Variants in RBL2 observed in about 807,000 individuals in gnomAD.
RBL2 encodes the protein RB transcriptional corepressor like 2, also known as retinoblastoma-like protein 2.
In RBL2, 56 loss-of-function variants were observed where a neutral mutation model predicts 126.0. The ratio of observed to expected loss-of-function variants is 0.44; its 90% CI spans 0.36 to 0.56. The LOEUF (loss-of-function observed/expected upper bound fraction) is 0.56. RBL2 is among the 20% of genes least tolerant of loss of function. The pLI is 0.00. For missense variants in RBL2, 1,229 were observed against 1,398.2 expected, an observed-to-expected ratio of 0.88 and a Z score of 1.93; for synonymous variants, 454 against 478.5, an observed-to-expected ratio of 0.95 and a Z score of 0.67.
chr16:53,474,944 T>A (rs924424499), intron 17 of RBL2, among the ~76,000 whole-genome samples: 5 of 152,366 alleles, frequency 3.3e-5, no homozygotes, highest in Admixed American at 2.6e-4. Flanking sequence ...TATTAATGTT[T>A]TAAAGTTTGG....
intron 17 of RBL2, among the ~76,000 whole-genome samples, chr16:53,472,826 T>C (rs1220224952): frequency 6.6e-6 from 1 of 152,192 alleles, no homozygotes; most frequent in African/African-American, 2.4e-5. Context: ...TTGATTTTTA[T>C]AGTTTTATCT....
chr16:53,464,461 TC>T, intron 12 of RBL2, 98 bp downstream of exon 12: 1 of 1,059,558 alleles, frequency 9.4e-7, no homozygotes, highest in East Asian at 2.6e-5. Context: ...GAACATTTAT[TC>T]TGTTTTTATT....
At position 53,481,838 on chromosome 16, in the gene RBL2, G is replaced by A. The variant is rs1411016542; in HGVS notation, c.3249+3G>A. 1.3e-6 allele frequency: 2 copies of A among 1,570,190 alleles called. No homozygotes were observed. Among genetic ancestry groups the A allele is most frequent in the Non-Finnish European group, 1.8e-6 (2 of 1,140,254 alleles). Reference sequence around the variant, plus strand: ...ACTTCAGCAACAGTCCTTCAAAGGTGAGCCTAACATCAATCTTGGCCTTTA... The same window carrying A: ...ACTTCAGCAACAGTCCTTCAAAGGTAAGCCTAACATCAATCTTGGCCTTTA... On this transcript the variant is annotated splice_donor_region_variant and intron_variant, in intron 21 of 21. Coordinates refer to ENST00000262133, the MANE Select transcript of RBL2 (RefSeq NM_005611.4).
At position 53,461,734 on chromosome 16, in the gene RBL2, T is replaced by C; in HGVS notation, c.1347-7T>C. The C allele has an allele frequency of 2.5e-6, 4 of 1,569,918 alleles. No individual in the cohort carries two copies. The highest frequency in any genetic ancestry group is 3.4e-6 in the Non-Finnish European group (4 of 1,160,348). The stretch of plus-strand genomic sequence containing the variant: ...TAAATTATGTTATTTCTCATTACCT[T>C]TTTTAGGACATGTTCCAGAGATCCA... On this transcript the variant is annotated splice_polypyrimidine_tract_variant and splice_region_variant and intron_variant, in intron 9 of 21. Transcript: ENST00000262133.
In RBL2 at chr16:53,488,740, A is replaced by G. The variant is rs930669949; in HGVS notation, c.3250-1390A>G. The G allele has an allele frequency of 2.6e-5, 4 of 152,216 alleles. 1 individual carries two copies. The highest frequency in any genetic ancestry group is 2.6e-4 in the Admixed American group (4 of 15,272). 9.4% of individuals were successfully genotyped at this position (152,216 alleles called of 1,614,324 possible). A position where few individuals can be genotyped will look rare whatever the true frequency, so the allele number is the denominator to read the frequency against. ...GACAGAGCAGTGTCAGTGCACTGGT[A>G]TGACTTGTTGAAAAATAAATTATGG... is the stretch of plus-strand genomic sequence containing the variant. On this transcript the variant is annotated intron_variant, in intron 21 of 21. Transcript: ENST00000262133.
intron 1 of RBL2, 48 bp downstream of exon 1, chr16:53,434,844 G>C: frequency 7.0e-7 from 1 of 1,438,160 alleles, no homozygotes; most frequent in South Asian, 1.4e-5. Context: ...GGCGTGAACC[G>C]GTGCCTTCCG....
intron 4 of RBL2, among the ~76,000 whole-genome samples, chr16:53,447,690 G>A (rs2058075407): frequency 6.6e-6 from 1 of 151,468 alleles, no homozygotes; most frequent in African/African-American, 2.4e-5. Context: ...TGTCTCCCAG[G>A]GTAGATTGTA....
chr16:53,439,405 T>G (rs552638235), intron 2 of RBL2, among the ~76,000 whole-genome samples: 1 of 152,318 alleles, frequency 6.6e-6, no homozygotes, highest in Admixed American at 6.5e-5. Flanking sequence ...TTTTAAAGTT[T>G]AGGACATTGT....
chr16:53,434,911 G>T (rs1300920407), intron 1 of RBL2, 115 bp downstream of exon 1: 2 of 1,360,284 alleles, frequency 1.5e-6, no homozygotes, highest in African/African-American at 3.1e-5. Flanking sequence ...CCAGCCCCGA[G>T]AGGGGTGGGG....
chr16:53,468,658 C>T (rs1429303182), intron 14 of RBL2, among the ~76,000 whole-genome samples: 1 of 152,096 alleles, frequency 6.6e-6, no homozygotes, highest in Non-Finnish European at 1.5e-5. Flanking sequence ...AAATACAAAT[C>T]TAGTAAGTTT....
intron 3 of RBL2, 112 bp downstream of exon 3, chr16:53,442,970 C>A (rs753333288): frequency 2.8e-5 from 24 of 870,454 alleles, no homozygotes; most frequent in Non-Finnish European, 3.8e-5. Context: ...TTTAAAAAAT[C>A]TTTTTCCTCA....
chr16:53,439,954 C>CAAAA (rs10591959), intron 2 of RBL2, among the ~76,000 whole-genome samples: 37 of 91,892 alleles, frequency 4.0e-4, no homozygotes, highest in African/African-American at 1.1e-3. Context: ...ACCTTGTCTC[C>CAAAA]AAAAAAAAAA....
At chr16:53,457,421 A>G (rs1017006386) in intron 8 of RBL2, among the ~76,000 whole-genome samples, 1 of 151,398 alleles carries the variant, frequency 6.6e-6, no homozygotes, top group Non-Finnish European at 1.5e-5. Flanking sequence ...CACCATGCCC[A>G]GCTAATTTTT....
At chr16:53,438,310 G>A (rs931720338) in intron 1 of RBL2, among the ~76,000 whole-genome samples, 19 of 152,056 alleles carry the variant, frequency 1.2e-4, no homozygotes, top group African/African-American at 4.6e-4. Flanking sequence ...GGTGATCCAG[G>A]GTAGCTAAAT....
Position 53,442,650 on chromosome 16 carries a change from A to G in RBL2, c.372-8A>G, listed in dbSNP as rs1484982841. 5 of 1,600,452 alleles carry G rather than the reference A, an allele frequency of 3.1e-6. No homozygotes were observed. Among genetic ancestry groups the G allele is most frequent in the Non-Finnish European group, 2.6e-6 (3 of 1,170,540 alleles). On this transcript the variant is annotated splice_polypyrimidine_tract_variant and splice_region_variant and intron_variant, in intron 2 of 21. Coordinates refer to ENST00000262133, the MANE Select transcript of RBL2 (RefSeq NM_005611.4). ...ATTATGAAATATCTTGTTTGTCTTT[A>G]ATACCAGCTTAATCGAATTTTTTAA...
rs369293435 is a variant in RBL2 at position 53,453,732 on chromosome 16, A to G, written c.955A>G (p.Thr319Ala). 6.2e-7 allele frequency: 1 copy of G among 1,611,300 alleles called. No individual in the cohort carries two copies. Among genetic ancestry groups the G allele is most frequent in the African/African-American group, 1.3e-5 (1 of 74,786 alleles). ...CCTTAAGGGAAAAGAAGAAAATCTC[A>G]CTGGGTTTCTAGAACCTGGGAACTT... is the stretch of plus-strand genomic sequence containing the variant. The part of the protein sequence containing the change: ...KLLKGKEENL[T>A]GFLEPGNFGE... The change falls in exon 7 of 22, where the codon ACT becomes GCT. Residue 319 changes from threonine (T) to alanine (A), a missense_variant. Thr to Ala is a moderately conservative substitution (Grantham distance 58). This residue lies in a region of RBL2 where 1,070 missense variants were observed against 1,274.3 expected (regional missense o/e 0.84). Coordinates refer to ENST00000262133, the MANE Select transcript of RBL2 (RefSeq NM_005611.4).
intron 2 of RBL2, among the ~76,000 whole-genome samples, chr16:53,439,954 C>CAAAAAAAAA (rs10591959): frequency 3.2e-4 from 29 of 91,936 alleles, no homozygotes; most frequent in African/African-American, 1.2e-3. Context: ...ACCTTGTCTC[C>CAAAAAAAAA]AAAAAAAAAA....
chr16:53,486,309 A>C (rs1199645499), intron 21 of RBL2, among the ~76,000 whole-genome samples: 2 of 152,106 alleles, frequency 1.3e-5, no homozygotes, highest in Non-Finnish European at 2.9e-5. Context: ...TCAAAACTTT[A>C]ATGCCAATAA....
In RBL2 at chr16:53,470,409, A is replaced by C; in HGVS notation, c.2272A>C (p.Thr758Pro). Reference sequence around the variant, plus strand: ...TATTGCCAATGAAAATGGAGGGATAACATTCTTCCCTGTCCAAGTCAATGT... The same window carrying C: ...TATTGCCAATGAAAATGGAGGGATACCATTCTTCCCTGTCCAAGTCAATGT... ...QGIANENGGITFFPVQVNVGG... is the reference protein window; with the variant it reads ...QGIANENGGIPFFPVQVNVGG... The change falls in exon 16 of 22, where the codon ACA becomes CCA. Residue 758 changes from threonine (T) to proline (P), a missense_variant. Physicochemically the swap from Thr to Pro is conservative, Grantham distance 38 (BLOSUM62 -1). This residue lies in a region of RBL2 where 1,070 missense variants were observed against 1,274.3 expected (regional missense o/e 0.84). Transcript: ENST00000262133. 6.2e-7 allele frequency: 1 copy of C among 1,613,640 alleles called. No homozygotes were observed. The highest frequency in any genetic ancestry group is 8.5e-7 in the Non-Finnish European group (1 of 1,179,588).
Sources: allele counts gnomAD v4.1 joint callset (sites outside exome capture counted in the v4.1 genomes callset), GRCh38; gene constraint gnomAD v4.1.1; regional missense constraint gnomAD v4.1.1; transcripts MANE v1.5; gene names NCBI Gene and HGNC (gene_info 2026-07-23, HGNC 2026-07-21).